NDUFAF2: variants seen among roughly 807,000 people sequenced by gnomAD.
NDUFAF2 encodes NADH dehydrogenase [ubiquinone] 1 alpha subcomplex assembly factor 2.
Under a neutral mutation model 22.8 loss-of-function variants are expected in NDUFAF2, and 13 were observed. The observed-to-expected ratio is 0.57, with a 90% CI of 0.37 to 0.91. NDUFAF2 has a LOEUF of 0.91. NDUFAF2 is among the 40% of genes least tolerant of loss of function. NDUFAF2 has a pLI of 0.01. For synonymous variants in NDUFAF2, 53 were observed against 64.2 expected (o/e 0.83, Z 0.84); for missense variants, 162 against 195.2 (o/e 0.83, Z 1.01).
rs149152513 is a variant in NDUFAF2 at position 61,087,920 on chromosome 5, A to T, written c.218-11072A>T. ...TAATAGCTTAAAATAAGACACATTT[A>T]TTATCTTACAGTTTCTGTGCATCAG... On this transcript the variant is annotated intron_variant, in intron 2 of 3. Coordinates refer to ENST00000296597, the MANE Select transcript of NDUFAF2 (RefSeq NM_174889.5). Among the ~76,000 whole-genome samples, 279 of 152,270 alleles carry T rather than the reference A, an allele frequency of 1.8e-3. 3 individuals carry two copies. The highest frequency in any genetic ancestry group is 6.5e-3 in the African/African-American group (271 of 41,560).
At chr5:61,115,415 T>G (rs1477993083) in intron 3 of NDUFAF2, 1 of 152,270 alleles carries the variant, frequency 6.6e-6, no homozygotes, top group East Asian at 1.9e-4. Context: ...TGACTGTGGC[T>G]GAACTGCTGC....
chr5:60,980,848 A>G (rs1270485825), intron 1 of NDUFAF2, among the ~76,000 whole-genome samples: 1 of 152,114 alleles, frequency 6.6e-6, no homozygotes, highest in African/African-American at 2.4e-5. Context: ...CAGAAGAATT[A>G]GTGAGCTTGA....
At chr5:61,123,181 C>G (rs951181377) in intron 3 of NDUFAF2, among the ~76,000 whole-genome samples, 1 of 152,098 alleles carries the variant, frequency 6.6e-6, no homozygotes, top group African/African-American at 2.4e-5. Context: ...CTCCCCTTCC[C>G]TGGATTACTT....
At chr5:61,076,392 G>C (rs1752371441) in intron 2 of NDUFAF2, among the ~76,000 whole-genome samples, 1 of 152,180 alleles carries the variant, frequency 6.6e-6, no homozygotes, top group East Asian at 1.9e-4. Context: ...GTTTTAAATA[G>C]TGTTCAGAAA....
intron 2 of NDUFAF2, among the ~76,000 whole-genome samples, chr5:61,083,701 C>T (rs1024418087): frequency 4.6e-5 from 7 of 151,530 alleles, no homozygotes; most frequent in Non-Finnish European, 1.0e-4. Flanking sequence ...ATAGATCTTG[C>T]ACATGTTTTA....
At chr5:61,059,882 C>G (rs1157261978) in intron 1 of NDUFAF2, among the ~76,000 whole-genome samples, 1 of 151,968 alleles carries the variant, frequency 6.6e-6, no homozygotes, top group Non-Finnish European at 1.5e-5. Context: ...TGGAGTGCCT[C>G]CTTTAATTAC....
intron 1 of NDUFAF2, among the ~76,000 whole-genome samples, chr5:61,058,824 A>G (rs561928782): frequency 3.3e-5 from 5 of 152,188 alleles, no homozygotes; most frequent in Non-Finnish European, 5.9e-5. Context: ...CTACACATCA[A>G]TCAAAACCTG....
intron 1 of NDUFAF2, among the ~76,000 whole-genome samples, chr5:61,031,847 G>A (rs1751731869): frequency 6.6e-6 from 1 of 152,188 alleles, no homozygotes; most frequent in Admixed American, 6.5e-5. Context: ...CACCAACAGT[G>A]TAAAAGCATT....
chr5:61,093,645 C>T (rs1227312864), intron 2 of NDUFAF2, among the ~76,000 whole-genome samples: 1 of 152,164 alleles, frequency 6.6e-6, no homozygotes, highest in Non-Finnish European at 1.5e-5. Flanking sequence ...TGATGTGCTA[C>T]TGTATTCAGG....
intron 3 of NDUFAF2, among the ~76,000 whole-genome samples, chr5:61,140,523 T>C (rs1320026635): frequency 6.6e-6 from 1 of 152,234 alleles, no homozygotes; most frequent in Admixed American, 6.5e-5. Flanking sequence ...TAAATTTTAA[T>C]TTCAGATGAA....
chr5:61,002,444 A>T (rs1048361677), intron 1 of NDUFAF2, among the ~76,000 whole-genome samples: 1 of 152,268 alleles, frequency 6.6e-6, no homozygotes, highest in Admixed American at 6.5e-5. Flanking sequence ...ATGTAATTCA[A>T]TCTGTAAGTT....
Position 61,050,319 on chromosome 5 carries a change from A to G in NDUFAF2, c.128-22806A>G, listed in dbSNP as rs555952674. The G allele has an allele frequency of 7.9e-5, 12 of 152,178 alleles. No individual in the cohort carries two copies. The South Asian group carries it at 1.0e-3, about 13-fold the overall frequency. The allele number at this position is 152,178 out of a possible 1,614,324, so 9.4% of individuals were successfully genotyped here. On this transcript the variant is annotated intron_variant, in intron 1 of 3. Transcript: ENST00000296597. ...GGTGGAGTAGTGTATTTTAAATTCA[A>G]CTTTAACCTAGAGAAAATTATGATG...
chr5:61,059,482 C>A (rs1752138100), intron 1 of NDUFAF2, among the ~76,000 whole-genome samples: 1 of 152,024 alleles, frequency 6.6e-6, no homozygotes, highest in Non-Finnish European at 1.5e-5. Flanking sequence ...TATAAACTTG[C>A]CACAGGACAT....
chr5:61,120,545 T>C (rs979850823), intron 3 of NDUFAF2, among the ~76,000 whole-genome samples: 1 of 152,144 alleles, frequency 6.6e-6, no homozygotes, highest in Non-Finnish European at 1.5e-5. Flanking sequence ...TAATTTTCCC[T>C]CTATTTTGAC....
At chr5:61,064,391 C>G (rs248682) in intron 1 of NDUFAF2, among the ~76,000 whole-genome samples, 3 of 151,840 alleles carry the variant, frequency 2.0e-5, no homozygotes, top group Admixed American at 6.6e-5. Flanking sequence ...CTTTTGACCA[C>G]TTGGAACTAA....
chr5:61,016,298 G>A (rs1430928122), intron 1 of NDUFAF2, among the ~76,000 whole-genome samples: 1 of 152,128 alleles, frequency 6.6e-6, no homozygotes, highest in Non-Finnish European at 1.5e-5. Flanking sequence ...AGGACCAAAG[G>A]CGGCAGAGGA....
intron 2 of NDUFAF2, among the ~76,000 whole-genome samples, chr5:61,090,063 G>A (rs1241141511): frequency 2.0e-5 from 3 of 152,008 alleles, no homozygotes; most frequent in Admixed American, 1.3e-4. Context: ...ATGCCCACTG[G>A]TGTGTCTTCA....
At chr5:61,016,497 G>A (rs942251852) in intron 1 of NDUFAF2, among the ~76,000 whole-genome samples, 5 of 152,116 alleles carry the variant, frequency 3.3e-5, no homozygotes, top group Admixed American at 6.6e-5. Context: ...ATAACTATGT[G>A]GTTGGAAAAC....
chr5:61,130,092 C>T (rs1448402055), intron 3 of NDUFAF2, among the ~76,000 whole-genome samples: 1 of 152,020 alleles, frequency 6.6e-6, no homozygotes, highest in East Asian at 1.9e-4. Context: ...AGGAACCAAC[C>T]TTGATGTCTT....
Sources: allele counts gnomAD v4.1 joint callset (sites outside exome capture counted in the v4.1 genomes callset), GRCh38; gene constraint gnomAD v4.1.1; transcripts MANE v1.5; gene names NCBI Gene and HGNC (gene_info 2026-07-23, HGNC 2026-07-21).